The following R3HCC1L variants were observed in gnomAD, a reference collection of about 807,000 sequenced individuals.
R3HCC1L encodes the protein coiled-coil domain-containing protein R3HCC1L.
R3HCC1L carries 51 observed loss-of-function variants against 59.9 expected under a neutral mutation model. That is an observed-to-expected ratio of 0.85 (90% CI 0.68 to 1.07). The LOEUF (loss-of-function observed/expected upper bound fraction) is 1.07, where lower values mean the gene tolerates loss of function less well. Among genes scored for constraint, R3HCC1L ranks in the 50% least tolerant of loss-of-function variants. The probability of loss-of-function intolerance (pLI) is 0.00; values close to 1 mark genes in which losing one functional copy is unlikely to be tolerated. For synonymous variants in R3HCC1L, 322 were observed against 315.2 expected (o/e 1.02, Z -0.23); for missense variants, 965 against 933.0 (o/e 1.03, Z -0.45).
intron 4 of R3HCC1L, among the ~76,000 whole-genome samples, chr10:98,196,907 G>A (rs1427360351): frequency 6.6e-6 from 1 of 152,064 alleles, no homozygotes; most frequent in African/African-American, 2.4e-5. Flanking sequence ...CTGTCTTACT[G>A]ACTTCTCCGC....
chr10:98,226,882 GTT>G (rs1191422778), intron 5 of R3HCC1L, among the ~76,000 whole-genome samples: 1 of 152,190 alleles, frequency 6.6e-6, no homozygotes. Flanking sequence ...AGGCAAAACA[GTT>G]TATGTATTCT....
At chr10:98,161,528 A>C (rs1447525143) in intron 2 of R3HCC1L, among the ~76,000 whole-genome samples, 1 of 152,036 alleles carries the variant, frequency 6.6e-6, no homozygotes, top group Non-Finnish European at 1.5e-5. Context: ...TTTTTGTTTT[A>C]TCTGAATTTT....
intron 4 of R3HCC1L, among the ~76,000 whole-genome samples, chr10:98,206,732 C>G (rs2135220472): frequency 6.6e-6 from 1 of 152,132 alleles, no homozygotes; most frequent in African/African-American, 2.4e-5. Flanking sequence ...TACTGTAATC[C>G]AGGTGTGCTA....
intron 4 of R3HCC1L, among the ~76,000 whole-genome samples, chr10:98,201,881 A>G (rs1488469656): frequency 7.0e-6 from 1 of 143,346 alleles, no homozygotes; most frequent in Non-Finnish European, 1.5e-5. Flanking sequence ...GAAAGATGAG[A>G]TTTTTTTTTT....
At chr10:98,157,571 A>G (rs1847009979) in intron 2 of R3HCC1L, among the ~76,000 whole-genome samples, 1 of 152,066 alleles carries the variant, frequency 6.6e-6, no homozygotes, top group Admixed American at 6.5e-5. Context: ...AGGATTTCTG[A>G]TGGTAAATTG....
In R3HCC1L at chr10:98,208,778, A is replaced by T; in HGVS notation, c.664A>T (p.Arg222Ter). Reference sequence around the variant, plus strand: ...TTTGGAGATACTATATGAGTTTCCTAGAGTTTTTAGTTCTGTCATGAAACC... The same window carrying T: ...TTTGGAGATACTATATGAGTTTCCTTGAGTTTTTAGTTCTGTCATGAAACC... The part of the protein sequence containing the change: ...KVLEILYEFP[R>*]VFSSVMKPEN... The change falls in exon 5 of 10, where the codon AGA becomes TGA. Residue 222 changes from arginine to a stop codon, truncating the protein, a stop_gained. Transcript: ENST00000298999. LOFTEE classifies it high-confidence loss of function. 1 of 1,614,092 alleles carries T rather than the reference A, an allele frequency of 6.2e-7. No individual in the cohort carries two copies. The highest frequency in any genetic ancestry group is 1.1e-5 in the South Asian group (1 of 91,086).
At chr10:98,218,199 T>A (rs1854434565) in intron 5 of R3HCC1L, among the ~76,000 whole-genome samples, 1 of 152,184 alleles carries the variant, frequency 6.6e-6, no homozygotes, top group Non-Finnish European at 1.5e-5. Context: ...TCTAATTTGT[T>A]GAGGGTTTTT....
At position 98,190,676 on chromosome 10, in the gene R3HCC1L, T is replaced by C. The variant is rs139394363; in HGVS notation, c.-14-17425T>C. On this transcript the variant is annotated intron_variant, in intron 4 of 9. Coordinates refer to ENST00000298999, the MANE Select transcript of R3HCC1L (RefSeq NM_001351015.2). ...TATGGACTTTTTTATTATTATACTTTAAGTTCTACAGTACATGTGCACAAC... is the reference window on the plus strand; with the variant it reads ...TATGGACTTTTTTATTATTATACTTCAAGTTCTACAGTACATGTGCACAAC... Among the ~76,000 whole-genome samples the C allele has an allele frequency of 3.0e-3, 454 of 152,296 alleles. 4 individuals are homozygous for C. Among genetic ancestry groups the C allele is most frequent in the African/African-American group, 9.3e-3 (386 of 41,564 alleles).
intron 5 of R3HCC1L, among the ~76,000 whole-genome samples, chr10:98,222,717 C>T (rs932612875): frequency 6.6e-6 from 1 of 151,952 alleles, no homozygotes; most frequent in Non-Finnish European, 1.5e-5. Context: ...GCCTTGCATC[C>T]AAAAACCCTT....
chr10:98,200,647 C>T (rs1258906470), intron 4 of R3HCC1L, among the ~76,000 whole-genome samples: 3 of 151,906 alleles, frequency 2.0e-5, no homozygotes, highest in African/African-American at 7.3e-5. Flanking sequence ...CGGCACTGCT[C>T]AACACAAAAG....
intron 4 of R3HCC1L, among the ~76,000 whole-genome samples, chr10:98,176,009 T>G (rs1351922125): frequency 6.6e-6 from 1 of 152,140 alleles, no homozygotes; most frequent in East Asian, 1.9e-4. Context: ...TCCACTTGTT[T>G]CGGCACCATT....
chr10:98,165,150 A>G (rs1268946570), intron 4 of R3HCC1L, among the ~76,000 whole-genome samples: 2 of 152,174 alleles, frequency 1.3e-5, no homozygotes, highest in Non-Finnish European at 2.9e-5. Context: ...AATCCCAGCT[A>G]TTCTGGAGGC....
intron 4 of R3HCC1L, among the ~76,000 whole-genome samples, chr10:98,197,277 A>G (rs1384338559): frequency 6.6e-6 from 1 of 152,020 alleles, no homozygotes; most frequent in Non-Finnish European, 1.5e-5. Flanking sequence ...GTCCGTGCCA[A>G]AATTGTCCTG....
intron 9 of R3HCC1L, 148 bp downstream of exon 9, chr10:98,236,312 C>T (rs891559210): frequency 2.1e-5 from 21 of 1,019,664 alleles, no homozygotes; most frequent in Non-Finnish European, 2.5e-5. Flanking sequence ...TCATGCCTTA[C>T]GTCCAGGAGA....
chr10:98,198,154 T>A (rs541535072), intron 4 of R3HCC1L, among the ~76,000 whole-genome samples: 1 of 152,120 alleles, frequency 6.6e-6, no homozygotes, highest in Non-Finnish European at 1.5e-5. Flanking sequence ...ACAGTGATAC[T>A]GTTCACCAAA....
chr10:98,243,589 GGTTT>G, intron 9 of R3HCC1L, among the ~76,000 whole-genome samples: 1 of 152,290 alleles, frequency 6.6e-6, no homozygotes, highest in African/African-American at 2.4e-5. Flanking sequence ...ATTGAAATGT[GGTTT>G]GCCTCTGAAA....
chr10:98,174,863 T>C (rs1473587055), intron 4 of R3HCC1L: 4 of 796,928 alleles, frequency 5.0e-6, no homozygotes, highest in East Asian at 1.3e-4. Flanking sequence ...TCTTACATAT[T>C]GATGTTCGTA....
At chr10:98,175,260 T>C (rs915619966) in intron 4 of R3HCC1L, among the ~76,000 whole-genome samples, 35 of 152,142 alleles carry the variant, frequency 2.3e-4, no homozygotes, top group African/African-American at 8.4e-4. Flanking sequence ...AATTAAAGGG[T>C]CAGTGCTGTC....
At chr10:98,196,276 G>A (rs1337857243) in intron 4 of R3HCC1L, among the ~76,000 whole-genome samples, 1 of 151,978 alleles carries the variant, frequency 6.6e-6, no homozygotes, top group African/African-American at 2.4e-5. Flanking sequence ...TATTGGATTA[G>A]TCTTCCTCCC....
Sources: allele counts gnomAD v4.1 joint callset (sites outside exome capture counted in the v4.1 genomes callset), GRCh38; gene constraint gnomAD v4.1.1; transcripts MANE v1.5; gene names NCBI Gene and HGNC (gene_info 2026-07-23, HGNC 2026-07-21).